Variants in SLC37A1 observed in about 807,000 individuals in gnomAD.
SLC37A1 encodes the protein solute carrier family 37 member 1, also known as glucose-6-phosphate exchanger SLC37A1.
SLC37A1 carries 49 observed loss-of-function variants against 75.3 expected under a neutral mutation model. The observed-to-expected ratio is 0.65, with a 90% CI of 0.52 to 0.83. The LOEUF is 0.83. SLC37A1 is among the 40% of genes least tolerant of loss of function. SLC37A1 has a pLI of 0.00. For missense variants in SLC37A1, 566 were observed against 695.0 expected, an observed-to-expected ratio of 0.81 and a Z score of 2.09; for synonymous variants, 268 against 292.1, an observed-to-expected ratio of 0.92 and a Z score of 0.84.
chr21:42,526,163 C>T, intron 3 of SLC37A1: 1 of 238,020 alleles, frequency 4.2e-6, no homozygotes, highest in South Asian at 7.8e-5. Flanking sequence ...TGTATCCAGT[C>T]TTAAGTGGTT....
intron 9 of SLC37A1, among the ~76,000 whole-genome samples, chr21:42,550,777 G>A (rs866224509): frequency 6.6e-6 from 1 of 152,194 alleles, no homozygotes; most frequent in African/African-American, 2.4e-5. Flanking sequence ...GGCTTAACAG[G>A]TAATGTTAAT....
chr21:42,527,628 C>G (rs767832961), intron 3 of SLC37A1, among the ~76,000 whole-genome samples: 1 of 152,170 alleles, frequency 6.6e-6, no homozygotes, highest in Non-Finnish European at 1.5e-5. Flanking sequence ...CTTCGTTCCC[C>G]AGGCAGGGCT....
chr21:42,580,818 C>T lies in SLC37A1; in HGVS notation c.*458C>T. On this transcript the variant is annotated 3_prime_UTR_variant, in exon 20 of 20. Transcript: ENST00000352133. ...GGAAAAACAGGACACCAGAGCCCAC[C>T]AGACAGTGCCGGCCAGCAGAGAAGC... 5.2e-6 allele frequency: 1 copy of T among 190,782 alleles called. No individual in the cohort carries two copies. Among genetic ancestry groups the T allele is most frequent in the East Asian group, 1.7e-4 (1 of 5,886 alleles). 11.8% of individuals were successfully genotyped at this position (190,782 alleles called of 1,614,324 possible).
chr21:42,517,256 G>A (rs866281425), intron 1 of SLC37A1, among the ~76,000 whole-genome samples: 2 of 152,216 alleles, frequency 1.3e-5, no homozygotes, highest in African/African-American at 4.8e-5. Context: ...AGGAGAGGGA[G>A]CAGAAAGGTT....
intron 8 of SLC37A1, among the ~76,000 whole-genome samples, chr21:42,546,678 G>A (rs558655620): frequency 3.3e-4 from 51 of 152,338 alleles, no homozygotes; most frequent in African/African-American, 1.2e-3. Context: ...GGGACAGGCC[G>A]GGGCGTGTGC....
At chr21:42,507,109 G>C (rs111447772) in intron 2 of SLC37A1, among the ~76,000 whole-genome samples, 1 of 151,946 alleles carries the variant, frequency 6.6e-6, no homozygotes, top group Non-Finnish European at 1.5e-5. Context: ...TCTTGAACTC[G>C]TGAGCTCAGG....
At chr21:42,566,640 T>C (rs1360553372) in intron 15 of SLC37A1, among the ~76,000 whole-genome samples, 2 of 152,092 alleles carry the variant, frequency 1.3e-5, no homozygotes, top group East Asian at 3.9e-4. Flanking sequence ...GGAAATGACC[T>C]GGTCCGGAGA....
Position 42,579,724 on chromosome 21 carries a change from G to C in SLC37A1, c.1522-12G>C, listed in dbSNP as rs1253540829. 2 of 1,614,010 alleles carry C rather than the reference G, an allele frequency of 1.2e-6. No homozygotes were observed. Among genetic ancestry groups the C allele is most frequent in the Non-Finnish European group, 1.7e-6 (2 of 1,180,020 alleles). ...TCCAGTAACAGGTGGGCTCACCTTT[G>C]TTTTGGTGCAGTTCCTGATCCGCCT... On this transcript the variant is annotated splice_polypyrimidine_tract_variant and intron_variant, in intron 18 of 19. Coordinates refer to ENST00000352133, the MANE Select transcript of SLC37A1 (RefSeq NM_001320537.2).
rs756177432 is a variant in SLC37A1, at chr21:42,559,103, C to T, written c.981+14C>T. On this transcript the variant is annotated intron_variant, in intron 11 of 19. Transcript: ENST00000352133. ...TTGAAAATTCCAGTAAGTAAACGTGCCCAGGAGGAGTTTCAGAAAGGGCTG... is the reference window on the plus strand; with the variant it reads ...TTGAAAATTCCAGTAAGTAAACGTGTCCAGGAGGAGTTTCAGAAAGGGCTG... The T allele has an allele frequency of 2.0e-5, 32 of 1,605,168 alleles. No homozygotes were observed. The highest frequency in any genetic ancestry group is 1.7e-5 in the Admixed American group (1 of 58,340).
intron 12 of SLC37A1, among the ~76,000 whole-genome samples, chr21:42,563,266 G>T (rs767281918): frequency 8.5e-5 from 13 of 152,202 alleles, no homozygotes; most frequent in Non-Finnish European, 1.6e-4. Context: ...GACATTTCCA[G>T]TCTGTTTGAA....
chr21:42,500,214 G>A lies in SLC37A1; in HGVS notation c.-301+471G>A, dbSNP rs184709060. Among the ~76,000 whole-genome samples, 20 of 152,242 alleles carry A rather than the reference G, an allele frequency of 1.3e-4. 1 individual carries two copies. In the East Asian group the frequency reaches 3.9e-3, roughly 29 times the overall value. On this transcript the variant is annotated intron_variant, in intron 1 of 20. Coordinates refer to the SLC37A1 transcript ENST00000398341. ...TATGAGGTTGTTTATTAGAATAATT[G>A]TACTCTGGTAAATTTACCAATTTCA... is the stretch of plus-strand genomic sequence containing the variant.
chr21:42,555,277 C>T (rs984085908), intron 10 of SLC37A1, among the ~76,000 whole-genome samples: 5 of 152,106 alleles, frequency 3.3e-5, no homozygotes, highest in Admixed American at 1.3e-4. Context: ...CTTCAGCCAC[C>T]GCACCCGGCC....
At chr21:42,527,975 G>A (rs368355761) in intron 3 of SLC37A1, among the ~76,000 whole-genome samples, 7 of 152,318 alleles carry the variant, frequency 4.6e-5, no homozygotes, top group East Asian at 3.9e-4. Context: ...TAGTGATTCT[G>A]TTGACCCACA....
At chr21:42,551,003 A>G (rs1226624566) in intron 9 of SLC37A1, among the ~76,000 whole-genome samples, 2 of 152,252 alleles carry the variant, frequency 1.3e-5, no homozygotes, top group Admixed American at 6.5e-5. Flanking sequence ...TCCGCCTGAG[A>G]TCAGGAACAA....
intron 2 of SLC37A1, among the ~76,000 whole-genome samples, chr21:42,522,927 G>A (rs1453524346): frequency 1.3e-5 from 2 of 152,222 alleles, no homozygotes; most frequent in South Asian, 2.1e-4. Context: ...GAGTCACCCC[G>A]CAGAGGAAGG....
intron 2 of SLC37A1, among the ~76,000 whole-genome samples, chr21:42,521,786 T>C (rs750039706): frequency 6.6e-6 from 1 of 152,270 alleles, no homozygotes; most frequent in Non-Finnish European, 1.5e-5. Flanking sequence ...TTTTATTGTA[T>C]TTGTTTTATA....
intron 2 of SLC37A1, among the ~76,000 whole-genome samples, chr21:42,520,696 G>C (rs933122470): frequency 6.6e-6 from 1 of 152,056 alleles, no homozygotes; most frequent in Non-Finnish European, 1.5e-5. Flanking sequence ...GAGGTCCTGG[G>C]AACAGTAAGA....
intron 3 of SLC37A1, chr21:42,526,159 C>T (rs2054784777): frequency 3.6e-6 from 1 of 279,392 alleles, no homozygotes; most frequent in Non-Finnish European, 6.8e-6. Flanking sequence ...CAAATGTATC[C>T]AGTCTTAAGT....
intron 7 of SLC37A1, among the ~76,000 whole-genome samples, chr21:42,542,970 T>C (rs1300616687): frequency 6.6e-6 from 1 of 152,262 alleles, no homozygotes; most frequent in East Asian, 1.9e-4. Flanking sequence ...CAAAGGCTTA[T>C]TTATGGTGGA....
Sources: allele counts gnomAD v4.1 joint callset (sites outside exome capture counted in the v4.1 genomes callset), GRCh38; gene constraint gnomAD v4.1.1; transcripts MANE v1.5; gene names NCBI Gene and HGNC (gene_info 2026-07-23, HGNC 2026-07-21).